CEP120: variants seen among roughly 807,000 people sequenced by gnomAD.
CEP120 encodes the protein centrosomal protein of 120 kDa.
In CEP120, 113 loss-of-function variants were observed where a neutral mutation model predicts 126.5. The observed-to-expected ratio is 0.89, with a 90% CI of 0.77 to 1.04. The LOEUF (loss-of-function observed/expected upper bound fraction) is 1.04, where lower values mean the gene tolerates loss of function less well. CEP120 is among the 50% of genes least tolerant of loss of function. The probability of loss-of-function intolerance (pLI) is 0.00; values close to 1 mark genes in which losing one functional copy is unlikely to be tolerated. For synonymous variants in CEP120, 400 were observed against 394.3 expected (o/e 1.01, Z -0.17); for missense variants, 1,230 against 1,155.7 (o/e 1.06, Z -0.93).
At chr5:123,422,858 A>G in intron 1 of CEP120, 92 bp downstream of exon 1, 1 of 1,164,510 alleles carries the variant, frequency 8.6e-7, no homozygotes, top group South Asian at 1.2e-5. Context: ...CACAGATGAC[A>G]GGGTTCTTAA....
Position 123,388,584 on chromosome 5 carries a change from T to C in CEP120, c.1278A>G (p.Ser426=), listed in dbSNP as rs1772177900. ...TGGATGTAGTCACTAGCTGGGCCAGTGAAGCAGGTACAGAAGAACTGGCTG... is the reference window on the plus strand; with the variant it reads ...TGGATGTAGTCACTAGCTGGGCCAGCGAAGCAGGTACAGAAGAACTGGCTG... ...NPKASSSVPA[S]LAQLVTTSNA... Residue 426 remains serine (S), a synonymous_variant, in exon 9 of 20, where the codon TCA becomes TCG. Coordinates refer to ENST00000306467, the MANE Select transcript of CEP120 (RefSeq NM_001375405.1). 2 of 1,590,756 alleles carry C rather than the reference T, an allele frequency of 1.3e-6. No homozygotes were observed. Among genetic ancestry groups the C allele is most frequent in the Non-Finnish European group, 1.7e-6 (2 of 1,172,060 alleles).
chr5:123,400,458 C>G (rs1159949696), intron 4 of CEP120, among the ~76,000 whole-genome samples: 1 of 152,056 alleles, frequency 6.6e-6, no homozygotes, highest in Non-Finnish European at 1.5e-5. Flanking sequence ...CATGTTCTCA[C>G]TGACAGGGAA....
intron 11 of CEP120, among the ~76,000 whole-genome samples, 177 bp from the exon 12 acceptor site, chr5:123,383,259 T>A (rs560581498): frequency 6.6e-6 from 1 of 152,094 alleles, no homozygotes; most frequent in Non-Finnish European, 1.5e-5. Context: ...TATATATAAA[T>A]TGATCATCAC....
At position 123,346,659 on chromosome 5, in the gene CEP120, A is replaced by C; in HGVS notation, c.2821T>G (p.Leu941Val). 2 of 1,613,944 alleles carry C rather than the reference A, an allele frequency of 1.2e-6. No individual in the cohort carries two copies. Among genetic ancestry groups the C allele is most frequent in the Non-Finnish European group, 1.7e-6 (2 of 1,179,934 alleles). The change falls in exon 20 of 20, where the codon TTG becomes GTG. Residue 941 changes from leucine (L) to valine (V), a missense_variant. Leu to Val is a conservative substitution (Grantham distance 32, BLOSUM62 1). Coordinates refer to ENST00000306467, the MANE Select transcript of CEP120 (RefSeq NM_001375405.1). ...ATCAGGCGAGTCAAATAATCATCCAAACCTTCTTCCAATACACTGCCATGG... is the reference window on the plus strand; with the variant it reads ...ATCAGGCGAGTCAAATAATCATCCACACCTTCTTCCAATACACTGCCATGG... Reference protein sequence around the residue: ...GPHGSVLEEGLDDYLTRLIEE... With the variant: ...GPHGSVLEEGVDDYLTRLIEE...
intron 6 of CEP120, among the ~76,000 whole-genome samples, chr5:123,392,946 T>C (rs1772503344): frequency 6.6e-6 from 1 of 152,208 alleles, no homozygotes; most frequent in Non-Finnish European, 1.5e-5. Context: ...ATCGAGAGTG[T>C]GATCTGTGTG....
intron 16 of CEP120, among the ~76,000 whole-genome samples, chr5:123,374,978 TAC>T (rs746484318): frequency 4.6e-5 from 7 of 152,116 alleles, no homozygotes; most frequent in Non-Finnish European, 7.4e-5. Flanking sequence ...TCTATTTGAG[TAC>T]AGATACTTCA....
chr5:123,389,963 T>C lies in CEP120; in HGVS notation c.1216A>G (p.Ser406Gly). Residue 406 changes from serine to glycine, a missense_variant, in exon 8 of 20, where the codon AGT (serine) becomes GGT (glycine). By Grantham distance (56) the Ser-to-Gly change is moderately conservative (BLOSUM62 0). Coordinates refer to ENST00000306467, the MANE Select transcript of CEP120 (RefSeq NM_001375405.1). ...TTGGTGTCCTTATCATACTGTAAAC[T>C]TTCCACTTCACTTTCTGTTGCATCA... ...KDDATESEVE[S>G]LQYDKDTKPN... The C allele has an allele frequency of 6.2e-7, 1 of 1,614,182 alleles. No homozygotes were observed. Among genetic ancestry groups the C allele is most frequent in the Non-Finnish European group, 8.5e-7 (1 of 1,180,018 alleles).
intron 6 of CEP120, among the ~76,000 whole-genome samples, 188 bp downstream of exon 6, chr5:123,393,111 AG>A (rs1451045122): frequency 2.0e-5 from 3 of 152,086 alleles, no homozygotes; most frequent in Non-Finnish European, 4.4e-5. Flanking sequence ...TAAAATTCTG[AG>A]GTAATTGTAA....
chr5:123,363,509 C>T (rs1479935482), intron 18 of CEP120, among the ~76,000 whole-genome samples: 1 of 145,476 alleles, frequency 6.9e-6, no homozygotes, highest in Non-Finnish European at 1.5e-5. Flanking sequence ...CATGTCTATC[C>T]TTAGTCCTGT....
intron 17 of CEP120, among the ~76,000 whole-genome samples, chr5:123,367,043 C>T (rs145220389): frequency 5.9e-5 from 9 of 151,912 alleles, no homozygotes; most frequent in African/African-American, 9.6e-5. Context: ...AGATTCCGAA[C>T]GCCAAATGGT....
intron 5 of CEP120, among the ~76,000 whole-genome samples, chr5:123,397,876 G>C (rs1772895721): frequency 6.6e-6 from 1 of 152,192 alleles, no homozygotes; most frequent in Admixed American, 6.5e-5. Context: ...TTGAGGCCAG[G>C]AGTTCAAGAC....
intron 18 of CEP120, among the ~76,000 whole-genome samples, chr5:123,360,129 CACAA>C (rs77400809): frequency 0.16 from 23,956 of 151,808 alleles, 2,384 homozygotes; most frequent in Non-Finnish European, 0.22. Flanking sequence ...CAAGAAGTTG[CACAA>C]ACAATCTTCT....
Position 123,422,961 on chromosome 5 carries a change from G to C in CEP120, c.38C>G (p.Ser13Cys), listed in dbSNP as rs772928146. The C allele has an allele frequency of 1.2e-6, 2 of 1,614,182 alleles. No homozygotes were observed. The highest frequency in any genetic ancestry group is 1.7e-6 in the Non-Finnish European group (2 of 1,180,006). ...CTCAGGCTGCTCACCTTCTAGGATG[G>C]ACACGACGATGAGCAATTGGTCGGA... ...SKSDQLLIVV[S>C]ILEGRHFPKR... Residue 13 changes from serine to cysteine, a missense_variant, in exon 1 of 20, where the codon TCC becomes TGC. Transcript: ENST00000306467.
chr5:123,380,663 G>A (rs762392286), intron 14 of CEP120, among the ~76,000 whole-genome samples: 15 of 151,992 alleles, frequency 9.9e-5, no homozygotes, highest in Admixed American at 4.6e-4. Context: ...AGTATTTCCC[G>A]ATTTGAATTT....
chr5:123,391,134 C>T lies in CEP120; in HGVS notation c.1014G>A (p.Leu338=). 1 of 1,613,890 alleles carries T rather than the reference C, an allele frequency of 6.2e-7. No individual in the cohort carries two copies. Among genetic ancestry groups the T allele is most frequent in the Non-Finnish European group, 8.5e-7 (1 of 1,179,846 alleles). Residue 338 remains leucine (L), a synonymous_variant, in exon 7 of 20, where the codon CTG becomes CTA. Coordinates refer to ENST00000306467, the MANE Select transcript of CEP120 (RefSeq NM_001375405.1). ...CCTGGGAGTCTATGCCTTCTCTCTG[C>T]AGAGCCACAGACACTCCCACAGTTG... ...LAPTVGVSVA[L]QREGIDSQSL... is the part of the protein sequence containing the mutation.
At position 123,364,503 on chromosome 5, in the gene CEP120, A is replaced by C; in HGVS notation, c.2573T>G (p.Leu858Arg). 1 of 1,602,678 alleles carries C rather than the reference A, an allele frequency of 6.2e-7. No homozygotes were observed. Among genetic ancestry groups the C allele is most frequent in the Non-Finnish European group, 8.5e-7 (1 of 1,172,550 alleles). Reference protein sequence around the residue: ...WGRALKELARLKQREQESQMA... With the variant: ...WGRALKELARRKQREQESQMA... ...AAGCTATAAACTACATACCTGTTTA[A>C]GTCTGGCAAGTTCTTTCAAAGCTCG... Residue 858 changes from leucine (L) to arginine (R), a missense_variant, in exon 18 of 20, where the codon CTT becomes CGT. By Grantham distance (102) the Leu-to-Arg change is moderately radical. Coordinates refer to ENST00000306467, the MANE Select transcript of CEP120 (RefSeq NM_001375405.1).
At chr5:123,373,397 A>C (rs1348137587) in intron 16 of CEP120, among the ~76,000 whole-genome samples, 1 of 152,126 alleles carries the variant, frequency 6.6e-6, no homozygotes. Flanking sequence ...TGACCGGGAG[A>C]TCCAGTTTAC....
chr5:123,404,482 A>C (rs969378376), intron 4 of CEP120, among the ~76,000 whole-genome samples: 1 of 152,204 alleles, frequency 6.6e-6, no homozygotes, highest in African/African-American at 2.4e-5. Context: ...TGCCTGGTAA[A>C]TAAATAGTAT....
chr5:123,399,318 T>A (rs1355968408), intron 4 of CEP120, 34 bp from the exon 5 acceptor site: 3 of 1,601,148 alleles, frequency 1.9e-6, no homozygotes, highest in Non-Finnish European at 2.6e-6. Flanking sequence ...AACTACATTG[T>A]AGTTTGTCAT....
Sources: allele counts gnomAD v4.1 joint callset (sites outside exome capture counted in the v4.1 genomes callset), GRCh38; gene constraint gnomAD v4.1.1; transcripts MANE v1.5; gene names NCBI Gene and HGNC (gene_info 2026-07-23, HGNC 2026-07-21).